Variants in GRID2 observed in about 807,000 individuals in gnomAD.
The protein encoded by GRID2 is glutamate ionotropic receptor delta type subunit 2.
Under a neutral mutation model 114.8 loss-of-function variants are expected in GRID2, and 33 were observed. That is an observed-to-expected ratio of 0.29 (90% CI 0.22 to 0.38). The LOEUF (loss-of-function observed/expected upper bound fraction) is 0.38. GRID2 is among the 10% of genes least tolerant of loss of function. The pLI is 1.00. For missense variants in GRID2, 1,184 were observed against 1,257.7 expected (o/e 0.94, Z 0.89); for synonymous variants, 505 against 449.9 (o/e 1.12, Z -1.55).
intron 1 of GRID2, among the ~76,000 whole-genome samples, chr4:93,781,967 G>C (rs1218375200): frequency 6.6e-6 from 1 of 152,202 alleles, no homozygotes; most frequent in African/African-American, 2.4e-5. Context: ...GCCTATCATA[G>C]CATTCAAACT....
chr4:92,594,778 G>C (rs928650487), intron 2 of GRID2, among the ~76,000 whole-genome samples: 2 of 151,808 alleles, frequency 1.3e-5, no homozygotes, highest in Admixed American at 6.6e-5. Context: ...TTTTTCTTCT[G>C]TGGCATCTAT....
intron 4 of GRID2, among the ~76,000 whole-genome samples, chr4:93,200,321 C>T (rs1482213503): frequency 2.0e-5 from 3 of 152,168 alleles, no homozygotes; most frequent in African/African-American, 7.2e-5. Context: ...AATCCCAGCA[C>T]TTTGGGAGGC....
chr4:93,756,386 T>C (rs1211103732), intron 14 of GRID2, among the ~76,000 whole-genome samples: 1 of 152,184 alleles, frequency 6.6e-6, no homozygotes, highest in Non-Finnish European at 1.5e-5. Flanking sequence ...CCAAACAAAA[T>C]GCCACAGACT....
At chr4:93,654,090 ATGTC>A (rs1215580050) in intron 14 of GRID2, among the ~76,000 whole-genome samples, 1 of 152,144 alleles carries the variant, frequency 6.6e-6, no homozygotes, top group Non-Finnish European at 1.5e-5. Context: ...TGTAGCCCAG[ATGTC>A]TGTCTGTCTA....
At chr4:92,448,634 CTACATTTATTTGAT>C (rs1326935614) in intron 1 of GRID2, among the ~76,000 whole-genome samples, 1 of 151,852 alleles carries the variant, frequency 6.6e-6, no homozygotes, top group African/African-American at 2.4e-5. Context: ...ACATTTTTTA[CTACATTTATTTGAT>C]TTTAATAATT....
chr4:92,692,017 T>C (rs907935688), intron 2 of GRID2, among the ~76,000 whole-genome samples: 2 of 152,164 alleles, frequency 1.3e-5, no homozygotes, highest in Non-Finnish European at 1.5e-5. Flanking sequence ...TGAAAATAAC[T>C]TAGAGACAAA....
intron 8 of GRID2, among the ~76,000 whole-genome samples, chr4:93,290,872 C>CTTTTTTTTTT (rs56735687): frequency 2.3e-5 from 2 of 88,530 alleles, no homozygotes; most frequent in Non-Finnish European, 4.1e-5. Flanking sequence ...ATACAAGTTA[C>CTTTTTTTTTT]TTTTTTTTTT....
chr4:92,590,626 A>G (rs1168662834), intron 2 of GRID2, among the ~76,000 whole-genome samples: 1 of 152,176 alleles, frequency 6.6e-6, no homozygotes, highest in African/African-American at 2.4e-5. Flanking sequence ...TCTCTGAGAT[A>G]ACTGCCACCT....
At chr4:92,825,531 T>G (rs565600972) in intron 2 of GRID2, among the ~76,000 whole-genome samples, 1 of 152,180 alleles carries the variant, frequency 6.6e-6, no homozygotes, top group African/African-American at 2.4e-5. Flanking sequence ...CTTGTCTGTT[T>G]GCTCTAACAT....
At chr4:92,956,153 A>G (rs964051367) in intron 2 of GRID2, among the ~76,000 whole-genome samples, 8 of 152,188 alleles carry the variant, frequency 5.3e-5, no homozygotes, top group African/African-American at 1.9e-4. Flanking sequence ...CTGTTCCCAT[A>G]TTAATATACC....
intron 2 of GRID2, among the ~76,000 whole-genome samples, chr4:92,866,182 A>G (rs1185752641): frequency 6.6e-6 from 1 of 152,160 alleles, no homozygotes; most frequent in Non-Finnish European, 1.5e-5. Context: ...TGTTGTCAGA[A>G]CTTCAGTAGG....
In GRID2 at chr4:92,387,783, G is replaced by C. The variant is rs573053656; in HGVS notation, c.88+83039G>C. Among the ~76,000 whole-genome samples the C allele has an allele frequency of 1.1e-3, 160 of 152,064 alleles. 2 individuals carry two copies. The highest frequency in any genetic ancestry group is 3.5e-3 in the Admixed American group (53 of 15,206). Reference sequence around the variant, plus strand: ...AGAAGGGGCCTTCCTAAAATTTCTTGTTATCTGTTTTAAAGTCTGTGGTAG... The same window carrying C: ...AGAAGGGGCCTTCCTAAAATTTCTTCTTATCTGTTTTAAAGTCTGTGGTAG... On this transcript the variant is annotated intron_variant, in intron 1 of 15. Coordinates refer to ENST00000282020, the MANE Select transcript of GRID2 (RefSeq NM_001510.4).
chr4:93,026,025 T>C (rs1473222824), intron 2 of GRID2, among the ~76,000 whole-genome samples: 1 of 151,706 alleles, frequency 6.6e-6, no homozygotes, highest in Non-Finnish European at 1.5e-5. Flanking sequence ...GTAGGGAAAG[T>C]TGATAATTTT....
intron 1 of GRID2, among the ~76,000 whole-genome samples, chr4:92,586,699 T>C (rs1272519877): frequency 6.6e-6 from 1 of 152,006 alleles, no homozygotes; most frequent in Non-Finnish European, 1.5e-5. Flanking sequence ...TTGACAATTA[T>C]ATTTTTGTAG....
chr4:93,451,620 T>C (rs1400451040), intron 10 of GRID2, among the ~76,000 whole-genome samples: 1 of 152,032 alleles, frequency 6.6e-6, no homozygotes, highest in Non-Finnish European at 1.5e-5. Flanking sequence ...TCAGATTTGC[T>C]CTATAGAAAG....
At chr4:93,115,706 G>T (rs530043401) in intron 4 of GRID2, among the ~76,000 whole-genome samples, 1 of 152,108 alleles carries the variant, frequency 6.6e-6, no homozygotes, top group South Asian at 2.1e-4. Flanking sequence ...AAGGTGAAAG[G>T]TATGTCTTAC....
chr4:93,393,482 T>A (rs1007577281), intron 8 of GRID2, among the ~76,000 whole-genome samples: 5 of 151,946 alleles, frequency 3.3e-5, no homozygotes, highest in African/African-American at 1.2e-4. Flanking sequence ...ATATTATACA[T>A]GGTATGAATA....
intron 1 of GRID2, among the ~76,000 whole-genome samples, chr4:92,540,929 G>C (rs2149162423): frequency 6.6e-6 from 1 of 152,304 alleles, no homozygotes; most frequent in Admixed American, 6.5e-5. Context: ...TTAAGAAAAT[G>C]TGGCATATAT....
intron 8 of GRID2, among the ~76,000 whole-genome samples, chr4:93,327,039 C>CTCT (rs1757910465): frequency 6.6e-6 from 1 of 151,918 alleles, no homozygotes; most frequent in Non-Finnish European, 1.5e-5. Flanking sequence ...TTGCTAATTC[C>CTCT]TCTTCTTCCC....
Sources: allele counts gnomAD v4.1 joint callset (sites outside exome capture counted in the v4.1 genomes callset), GRCh38; gene constraint gnomAD v4.1.1; transcripts MANE v1.5; gene names NCBI Gene and HGNC (gene_info 2026-07-23, HGNC 2026-07-21).